Variants in ZGRF1 observed in about 807,000 individuals in gnomAD.
The protein encoded by ZGRF1 is zinc finger GRF-type containing 1.
A neutral mutation model predicts 203.5 loss-of-function variants in ZGRF1; 196 were observed. That is an observed-to-expected ratio of 0.96 (90% CI 0.86 to 1.08). The LOEUF is 1.08. Among genes scored for constraint, ZGRF1 ranks in the 50% least tolerant of loss-of-function variants. The probability of loss-of-function intolerance (pLI) is 0.00; values close to 1 mark genes in which losing one functional copy is unlikely to be tolerated. For synonymous variants in ZGRF1, 809 were observed against 841.3 expected, an observed-to-expected ratio of 0.96 and a Z score of 0.66; for missense variants, 2,326 against 2,416.3, an observed-to-expected ratio of 0.96 and a Z score of 0.78.
At chr4:112,593,842 C>T (rs1269143537) in intron 10 of ZGRF1, among the ~76,000 whole-genome samples, 5 of 152,148 alleles carry the variant, frequency 3.3e-5, no homozygotes, top group African/African-American at 1.2e-4. Flanking sequence ...CAGCTCACTA[C>T]AGCCTTAACC....
intron 1 of ZGRF1, 146 bp downstream of exon 1, chr4:112,636,703 GTC>G (rs2047660840): frequency 6.6e-6 from 1 of 152,206 alleles, no homozygotes; most frequent in South Asian, 2.1e-4. Flanking sequence ...ACTACAAGCA[GTC>G]CGAGTAGCTG....
At position 112,576,544 on chromosome 4, in the gene ZGRF1, A is replaced by C. The variant is rs530166459; in HGVS notation, c.4438+5119T>G. On this transcript the variant is annotated intron_variant, in intron 16 of 27. Coordinates refer to ENST00000505019, the MANE Select transcript of ZGRF1 (RefSeq NM_018392.5). ...AAAAACCTTGAAAAAAAATTAGACG[A>C]ATGGCTAACAAGAATAACCAACGCA... Among the ~76,000 whole-genome samples, 5 of 152,298 alleles carry C rather than the reference A, an allele frequency of 3.3e-5. No individual in the cohort carries two copies. In the South Asian group the frequency reaches 6.2e-4, roughly 19 times the overall value.
intron 16 of ZGRF1, among the ~76,000 whole-genome samples, chr4:112,568,711 C>CA (rs76531414): frequency 0.071 from 2,995 of 42,254 alleles, 202 homozygotes; most frequent in East Asian, 0.28. Flanking sequence ...AACTCTGTCT[C>CA]AAAAAAAAAA....
At position 112,606,098 on chromosome 4, in the gene ZGRF1, T is replaced by A; in HGVS notation, c.2719-7A>T. On this transcript the variant is annotated splice_region_variant and splice_polypyrimidine_tract_variant and intron_variant, in intron 8 of 27. Transcript: ENST00000505019. ...TACTTCCCGAGGAAGAGAACTAGGA[T>A]AAAATATGAATAAGTTATCTAGTTA... 1 of 1,515,574 alleles carries A rather than the reference T, an allele frequency of 6.6e-7. No homozygotes were observed. Among genetic ancestry groups the A allele is most frequent in the Non-Finnish European group, 9.1e-7 (1 of 1,104,370 alleles). The allele number at this position is 1,515,574 out of a possible 1,614,324, so 93.9% of individuals were successfully genotyped here. A position where few individuals can be genotyped will look rare whatever the true frequency, so the allele number is the denominator to read the frequency against.
chr4:112,617,029 TG>T (rs990543779), intron 6 of ZGRF1, among the ~76,000 whole-genome samples: 2 of 151,894 alleles, frequency 1.3e-5, no homozygotes, highest in African/African-American at 2.4e-5. Flanking sequence ...CCCAACTACT[TG>T]GGAGGCAGAG....
chr4:112,547,305 A>G lies in ZGRF1; in HGVS notation c.5578T>C (p.Phe1860Leu). ...TGTACCATTAAGCAAAGTCGATCAA[A>G]AAGAGTTTGTTCCAATCCATTTTCA... ...AHENGLEQTL[F>L]DRLCLMGHKP... The change falls in exon 24 of 28, where the codon TTT becomes CTT. Residue 1860 changes from phenylalanine to leucine, a missense_variant. By Grantham distance (22) the Phe-to-Leu change is conservative. Coordinates refer to ENST00000505019, the MANE Select transcript of ZGRF1 (RefSeq NM_018392.5). The G allele has an allele frequency of 6.2e-7, 1 of 1,612,944 alleles. No homozygotes were observed. The highest frequency in any genetic ancestry group is 1.1e-5 in the South Asian group (1 of 90,730).
intron 3 of ZGRF1, among the ~76,000 whole-genome samples, chr4:112,625,785 C>T (rs2047221375): frequency 6.7e-6 from 1 of 149,726 alleles, no homozygotes; most frequent in Non-Finnish European, 1.5e-5. Flanking sequence ...ATCCCAGCTA[C>T]TCAGGAGGCT....
intron 1 of ZGRF1, among the ~76,000 whole-genome samples, chr4:112,635,828 A>T (rs1435255187): frequency 1.3e-5 from 2 of 151,928 alleles, no homozygotes; most frequent in Non-Finnish European, 2.9e-5. Flanking sequence ...AGGATAACTT[A>T]TATGCTATTT....
At chr4:112,575,392 C>T (rs953402774) in intron 16 of ZGRF1, among the ~76,000 whole-genome samples, 1 of 152,104 alleles carries the variant, frequency 6.6e-6, no homozygotes, top group Non-Finnish European at 1.5e-5. Flanking sequence ...AACTGAGATA[C>T]CGGGTTCATC....
At chr4:112,594,993 G>A (rs1203208190) in intron 10 of ZGRF1, among the ~76,000 whole-genome samples, 1 of 151,946 alleles carries the variant, frequency 6.6e-6, no homozygotes, top group East Asian at 1.9e-4. Flanking sequence ...GTAATCCCTA[G>A]CACTTTGGGA....
chr4:112,616,706 G>A (rs891063656), intron 6 of ZGRF1, among the ~76,000 whole-genome samples: 2 of 150,914 alleles, frequency 1.3e-5, no homozygotes, highest in African/African-American at 4.9e-5. Context: ...GCGTGGTCGT[G>A]GGTGCCTGTA....
At chr4:112,632,084 C>A in intron 2 of ZGRF1, 74 bp from the exon 3 acceptor site, 2 of 624,696 alleles carry the variant, frequency 3.2e-6, no homozygotes, top group Non-Finnish European at 4.8e-6. Context: ...TATATCCTTC[C>A]TACATACAAA....
At position 112,630,563 on chromosome 4, in the gene ZGRF1, G is replaced by A. The variant is rs192693027; in HGVS notation, c.102+1367C>T. ...TGGTTATCTTTAATTGCTAGACTGA[G>A]GAGTAGGGACTTCATTCAGGAGGCC... On this transcript the variant is annotated intron_variant, in intron 3 of 27. Coordinates refer to ENST00000505019, the MANE Select transcript of ZGRF1 (RefSeq NM_018392.5). Among the ~76,000 whole-genome samples, 578 of 152,120 alleles carry A rather than the reference G, an allele frequency of 3.8e-3. 13 individuals carry two copies. Among genetic ancestry groups the A allele is most frequent in the Admixed American group, 0.032 (493 of 15,266 alleles).
intron 3 of ZGRF1, chr4:112,628,796 T>A (rs1006375330): frequency 9.1e-6 from 4 of 439,730 alleles, no homozygotes; most frequent in African/African-American, 8.2e-5. Context: ...ACAAAGGATA[T>A]GCAGAATCCA....
intron 12 of ZGRF1, 127 bp from the exon 13 acceptor site, chr4:112,586,710 AATTACTT>A: frequency 1.4e-6 from 1 of 736,604 alleles, no homozygotes; most frequent in Non-Finnish European, 2.0e-6. Context: ...GATCCTTGAA[AATTACTT>A]TCAAATTTTA....
chr4:112,550,534 G>A (rs1383751700), intron 22 of ZGRF1, among the ~76,000 whole-genome samples: 1 of 151,886 alleles, frequency 6.6e-6, no homozygotes, highest in Non-Finnish European at 1.5e-5. Context: ...TAAATTTGGG[G>A]TAGCCTAACT....
chr4:112,619,586 A>T lies in ZGRF1; in HGVS notation c.456T>A (p.Ser152=), dbSNP rs765159181. 1 of 1,614,098 alleles carries T rather than the reference A, an allele frequency of 6.2e-7. No individual in the cohort carries two copies. The highest frequency in any genetic ancestry group is 8.5e-7 in the Non-Finnish European group (1 of 1,179,960). Residue 152 remains serine, a synonymous_variant, in exon 6 of 28, where the codon TCT becomes TCA. Coordinates refer to ENST00000505019, the MANE Select transcript of ZGRF1 (RefSeq NM_018392.5). ...EAKKTGPTIF[S]PFCSMPPLFP... ...ACAAAGGAGGCATGCTGCAGAATGGAGAAAAAATAGTAGGGCCAGTTTTCT... is the reference window on the plus strand; with the variant it reads ...ACAAAGGAGGCATGCTGCAGAATGGTGAAAAAATAGTAGGGCCAGTTTTCT...
At chr4:112,542,260 T>G (rs1309386656) in intron 24 of ZGRF1, among the ~76,000 whole-genome samples, 1 of 152,158 alleles carries the variant, frequency 6.6e-6, no homozygotes, top group African/African-American at 2.4e-5. Context: ...GAAAATCGCT[T>G]GAACCCAGGA....
intron 7 of ZGRF1, among the ~76,000 whole-genome samples, chr4:112,611,222 G>T (rs1751527900): frequency 6.6e-6 from 1 of 152,052 alleles, no homozygotes; most frequent in Non-Finnish European, 1.5e-5. Flanking sequence ...GGCCAACATG[G>T]TGAAACTCCA....
Sources: gnomAD v4.1 joint callset for allele counts (sites outside exome capture counted in the v4.1 genomes callset) on GRCh38, gnomAD v4.1.1 for gene constraint, MANE v1.5 for transcripts, NCBI Gene and HGNC (gene_info 2026-07-23, HGNC 2026-07-21) for gene names.